The following PHACTR2 variants were observed in gnomAD, a reference collection of about 807,000 sequenced individuals.
PHACTR2 encodes the protein chromosome 6 open reading frame 56.
Under a neutral mutation model 76.0 loss-of-function variants are expected in PHACTR2, and 30 were observed. That is an observed-to-expected ratio of 0.39 (90% CI 0.30 to 0.54). The LOEUF (loss-of-function observed/expected upper bound fraction) is 0.54. PHACTR2 is among the 20% of genes least tolerant of loss of function. PHACTR2 has a pLI of 0.61. For missense variants in PHACTR2, 696 were observed against 781.1 expected (o/e 0.89, Z 1.30); for synonymous variants, 292 against 292.5 (o/e 1.00, Z 0.02).
chr6:143,629,029 GTACCTAA>G (rs1396859313), intron 1 of PHACTR2, among the ~76,000 whole-genome samples: 1 of 144,886 alleles, frequency 6.9e-6, no homozygotes, highest in African/African-American at 2.6e-5. Flanking sequence ...TTGATCTCCA[GTACCTAA>G]TAGAGTTCAA....
At chr6:143,790,059 G>A (rs931145487) in intron 11 of PHACTR2, among the ~76,000 whole-genome samples, 3 of 152,184 alleles carry the variant, frequency 2.0e-5, no homozygotes, top group Non-Finnish European at 2.9e-5. Context: ...GGCCACATGT[G>A]TGCAGTGACA....
chr6:143,745,328 T>C (rs1258623487), intron 2 of PHACTR2, among the ~76,000 whole-genome samples: 1 of 152,216 alleles, frequency 6.6e-6, no homozygotes, highest in South Asian at 2.1e-4. Flanking sequence ...GTTAGATTGA[T>C]GCGCAGAAGT....
chr6:143,622,730 T>G (rs1776177840), intron 1 of PHACTR2, among the ~76,000 whole-genome samples: 1 of 152,050 alleles, frequency 6.6e-6, no homozygotes, highest in South Asian at 2.1e-4. Flanking sequence ...TGAACCTTGA[T>G]TTTTTTGTGT....
rs775733856 is a variant in PHACTR2, at chr6:143,788,766, C to T, written c.1708-7C>T. On this transcript the variant is annotated splice_polypyrimidine_tract_variant and splice_region_variant and intron_variant, in intron 10 of 12. Transcript: ENST00000440869. ...TGAACTCTGCCTTTTTCCTTGTCCTCCTGCAGCTCAGCCTGAGACCCACAG... is the reference window on the plus strand; with the variant it reads ...TGAACTCTGCCTTTTTCCTTGTCCTTCTGCAGCTCAGCCTGAGACCCACAG... The T allele has an allele frequency of 6.8e-5, 109 of 1,605,748 alleles. No individual in the cohort carries two copies. The East Asian group carries it at 2.2e-3, about 33-fold the overall frequency.
chr6:143,702,529 C>G (rs927234055), intron 1 of PHACTR2, among the ~76,000 whole-genome samples: 2 of 152,104 alleles, frequency 1.3e-5, no homozygotes, highest in Non-Finnish European at 2.9e-5. Context: ...GGGAAATAAG[C>G]CTGGATCAGG....
chr6:143,636,426 A>C (rs1776456373), intron 1 of PHACTR2, among the ~76,000 whole-genome samples: 1 of 152,148 alleles, frequency 6.6e-6, no homozygotes, highest in African/African-American at 2.4e-5. Context: ...CCTTTGTTAC[A>C]TATTATTTTC....
chr6:143,711,699 C>G, intron 1 of PHACTR2: 1 of 522,986 alleles, frequency 1.9e-6, no homozygotes, highest in South Asian at 1.6e-5. Flanking sequence ...TATTCCTGTA[C>G]AAAATATTGA....
At chr6:143,747,765 A>T (rs1336075924) in intron 2 of PHACTR2, among the ~76,000 whole-genome samples, 1 of 152,216 alleles carries the variant, frequency 6.6e-6, no homozygotes, top group Non-Finnish European at 1.5e-5. Context: ...TGGAGGAAAT[A>T]GAGTTCTGCA....
In PHACTR2 at chr6:143,633,843, G is replaced by T. The variant is rs566139852; in HGVS notation, c.13+25521G>T. ...GGTCTCTGTCTAGATTCATTTTTTCGCATTTAGATGTCCAGTTACCTTTTG... is the reference window on the plus strand; with the variant it reads ...GGTCTCTGTCTAGATTCATTTTTTCTCATTTAGATGTCCAGTTACCTTTTG... On this transcript the variant is annotated intron_variant, in intron 1 of 11. Transcript: ENST00000305766. This position sits in a 1 kb window ranked among gnomAD's most constrained non-coding sequence, Gnocchi z 4.1. Among the ~76,000 whole-genome samples, 1 of 151,862 alleles carries T rather than the reference G, an allele frequency of 6.6e-6. No homozygotes were observed. Among genetic ancestry groups the T allele is most frequent in the Non-Finnish European group, 1.5e-5 (1 of 67,978 alleles).
intron 1 of PHACTR2, among the ~76,000 whole-genome samples, chr6:143,630,170 T>C (rs1252990771): frequency 7.0e-6 from 1 of 142,354 alleles, no homozygotes; most frequent in Non-Finnish European, 1.6e-5. Context: ...AGATAAATGT[T>C]TATAAATATT....
rs978829143 is a variant in PHACTR2 at position 143,578,102 on chromosome 6, G to A, written c.217+40895G>A. On this transcript the variant is annotated intron_variant, in intron 1 of 11. Coordinates refer to the PHACTR2 transcript ENST00000367584. The surrounding 1 kb of genome is among the most constrained non-coding windows in gnomAD (Gnocchi z 4.5). ...CCTTTCCCTCTCATGGATTAAATCA[G>A]CCATAGTCCAAATGCAAAGAGGGAA... Among the ~76,000 whole-genome samples, 1 of 152,134 alleles carries A rather than the reference G, an allele frequency of 6.6e-6. No homozygotes were observed. Among genetic ancestry groups the A allele is most frequent in the South Asian group, 2.1e-4 (1 of 4,828 alleles).
rs553017770 is a variant in PHACTR2, at chr6:143,616,080, C to A, written c.13+7758C>A. On this transcript the variant is annotated intron_variant, in intron 1 of 11. Transcript: ENST00000305766. The surrounding 1 kb of genome is among the most constrained non-coding windows in gnomAD (Gnocchi z 4.9). ...GTTTCAAAGTTTCAGGGTTTCCTAC[C>A]ACTTGGTATAAAGTATCTGCCTAAT... 3.3e-5 allele frequency among the ~76,000 whole-genome samples: 5 copies of A among 152,300 alleles called. No individual in the cohort carries two copies. In the East Asian group the frequency reaches 7.7e-4, roughly 23 times the overall value.
rs1775930238 is a variant in PHACTR2, at chr6:143,800,520, C to T, written c.1846-6537C>T. 6.6e-6 allele frequency among the ~76,000 whole-genome samples: 1 copy of T among 152,158 alleles called. No individual in the cohort carries two copies. Among genetic ancestry groups the T allele is most frequent in the Non-Finnish European group, 1.5e-5 (1 of 68,034 alleles). ...TCGTGATCTGCCTGCATCGGCCTCC[C>T]AAAGTGCTGGGATTACAGGTGTGAG... On this transcript the variant is annotated intron_variant, in intron 11 of 12. Transcript: ENST00000440869. The surrounding 1 kb of genome is among the most constrained non-coding windows in gnomAD (Gnocchi z 4.8).
rs554640640 is a variant in PHACTR2 at position 143,644,019 on chromosome 6, C to T, written c.13+35697C>T. 7.2e-5 allele frequency among the ~76,000 whole-genome samples: 11 copies of T among 152,128 alleles called. No individual in the cohort carries two copies. The South Asian group carries it at 1.0e-3, about 14-fold the overall frequency. On this transcript the variant is annotated intron_variant, in intron 1 of 11. Coordinates refer to the PHACTR2 transcript ENST00000305766. ...TTTTTAAATATTTAAATATTTTTCTCGTTAAAAAAGTAACTCAACAGAACT... is the reference window on the plus strand; with the variant it reads ...TTTTTAAATATTTAAATATTTTTCTTGTTAAAAAAGTAACTCAACAGAACT...
chr6:143,718,000 A>G (rs1203456475), intron 2 of PHACTR2, among the ~76,000 whole-genome samples: 1 of 152,226 alleles, frequency 6.6e-6, no homozygotes, highest in Non-Finnish European at 1.5e-5. Context: ...ATTGGAAAAA[A>G]ATATTTTCCT....
chr6:143,748,366 G>A (rs1779114376), intron 2 of PHACTR2, among the ~76,000 whole-genome samples: 1 of 152,228 alleles, frequency 6.6e-6, no homozygotes, highest in South Asian at 2.1e-4. Context: ...GTTCCTGGCT[G>A]AAAGCTGATT....
At position 143,641,630 on chromosome 6, in the gene PHACTR2, C is replaced by T. The variant is rs1035431474; in HGVS notation, c.13+33308C>T. On this transcript the variant is annotated intron_variant, in intron 1 of 11. Transcript: ENST00000305766. This position sits in a 1 kb window ranked among gnomAD's most constrained non-coding sequence, Gnocchi z 5.8. Reference sequence around the variant, plus strand: ...CAAGCGATTCTCCTGCCTCAGCCTCCTGAGTAGCTGGGATTACAGGCATGC... The same window carrying T: ...CAAGCGATTCTCCTGCCTCAGCCTCTTGAGTAGCTGGGATTACAGGCATGC... 1.3e-5 allele frequency among the ~76,000 whole-genome samples: 2 copies of T among 152,136 alleles called. No homozygotes were observed. Among genetic ancestry groups the T allele is most frequent in the African/African-American group, 4.8e-5 (2 of 41,428 alleles).
intron 1 of PHACTR2, among the ~76,000 whole-genome samples, chr6:143,593,679 A>G (rs1018435257): frequency 6.6e-6 from 1 of 152,234 alleles, no homozygotes; most frequent in Non-Finnish European, 1.5e-5. Context: ...CTGTAAATGT[A>G]GATCACTGAA....
Position 143,811,968 on chromosome 6 carries a change from G to A in PHACTR2, c.1922+4835G>A, listed in dbSNP as rs1776183514. Among the ~76,000 whole-genome samples, 1 of 152,168 alleles carries A rather than the reference G, an allele frequency of 6.6e-6. No homozygotes were observed. Among genetic ancestry groups the A allele is most frequent in the African/African-American group, 2.4e-5 (1 of 41,446 alleles). On this transcript the variant is annotated intron_variant, in intron 12 of 12. Coordinates refer to ENST00000440869, the MANE Select transcript of PHACTR2 (RefSeq NM_001100164.2). The surrounding 1 kb of genome is among the most constrained non-coding windows in gnomAD (Gnocchi z 4.1). ...TACCTTGCCCTTTCAATGCAACCTA[G>A]ATACACAGCAGCTCTCCTTTCCTCT...
Sources: gnomAD v4.1 joint callset for allele counts (sites outside exome capture counted in the v4.1 genomes callset) on GRCh38, gnomAD v4.1.1 for gene constraint, Gnocchi (gnomAD v3.1) non-coding constraint, MANE v1.5 for transcripts, NCBI Gene and HGNC (gene_info 2026-07-23, HGNC 2026-07-21) for gene names.